The following SHKBP1 variants were observed in gnomAD, a reference collection of about 807,000 sequenced individuals.
SHKBP1 encodes the protein SH3KBP1-binding protein 1.
SHKBP1 carries 71 observed loss-of-function variants against 83.9 expected under a neutral mutation model. The ratio of observed to expected loss-of-function variants is 0.85; its 90% confidence interval spans 0.70 to 1.03. SHKBP1 has a LOEUF of 1.03. Ranked by LOEUF, SHKBP1 falls within the 50% of genes least tolerant of loss-of-function variation. SHKBP1 has a pLI of 0.00. For synonymous variants in SHKBP1, 371 were observed against 398.0 expected (o/e 0.93, Z 0.81); for missense variants, 824 against 982.4 (o/e 0.84, Z 2.16).
chr19:40,589,088 A>G lies in SHKBP1; in HGVS notation c.1499A>G (p.Tyr500Cys). The change falls in exon 15 of 18, where the codon TAC (tyrosine) becomes TGC (cysteine). Residue 500 changes from tyrosine to cysteine, a missense_variant. Physicochemically the swap from Tyr to Cys is radical, Grantham distance 194. Around this residue, in one of 3 missense-constraint regions of SHKBP1, gnomAD observed 287 missense variants for 322.9 expected, o/e 0.89. Coordinates refer to ENST00000291842, the MANE Select transcript of SHKBP1 (RefSeq NM_138392.4). The stretch of plus-strand genomic sequence containing the variant: ...CTGCCCCTGCCTGGCCCAGGCCCCT[A>G]CGGTGAGCGGGACGACCAGCAAGTG... ...GCSAGNDIGP[Y>C]GERDDQQVFI... is the part of the protein sequence containing the mutation. 1 of 1,612,348 alleles carries G rather than the reference A, an allele frequency of 6.2e-7. No individual in the cohort carries two copies.
rs200457949 is a variant in SHKBP1, at chr19:40,589,097, G to C, written c.1508G>C (p.Arg503Pro). The C allele has an allele frequency of 6.2e-7, 1 of 1,612,810 alleles. No individual in the cohort carries two copies. Residue 503 changes from arginine (R) to proline (P), a missense_variant, in exon 15 of 18, where the codon CGG becomes CCG. This residue lies in a region of SHKBP1 where 287 missense variants were observed against 322.9 expected (regional missense o/e 0.89). Coordinates refer to ENST00000291842, the MANE Select transcript of SHKBP1 (RefSeq NM_138392.4). ...AGNDIGPYGE[R>P]DDQQVFIQKV... ...CCTGGCCCAGGCCCCTACGGTGAGC[G>C]GGACGACCAGCAAGTGTTCATCCAG...
At chr19:40,588,803 C>T (rs748761276) in intron 14 of SHKBP1, 24 bp downstream of exon 14, 3 of 1,609,846 alleles carry the variant, frequency 1.9e-6, no homozygotes, top group African/African-American at 1.3e-5. Context: ...CCTGGCCTTC[C>T]CACCCCACTG....
intron 4 of SHKBP1, 165 bp from the exon 5 acceptor site, chr19:40,577,968 CACACACACACACACACACACA>C: frequency 1.5e-6 from 1 of 672,754 alleles, no homozygotes; most frequent in African/African-American, 1.8e-5. Flanking sequence ...CACACACACA[CACACACACACACACACACACA>C]CACTCAACAT....
intron 4 of SHKBP1, 158 bp from the exon 5 acceptor site, chr19:40,577,996 A>ACT: frequency 1.2e-5 from 8 of 668,210 alleles, no homozygotes; most frequent in South Asian, 5.0e-5. Flanking sequence ...CACACACTCA[A>ACT]CATTTCCTCC....
rs945279343 is a variant in SHKBP1 at position 40,577,552 on chromosome 19, C to G, written c.187-5C>G. 2 of 1,613,938 alleles carry G rather than the reference C, an allele frequency of 1.2e-6. No individual in the cohort carries two copies. The highest frequency in any genetic ancestry group is 1.7e-5 in the Admixed American group (1 of 59,982). On this transcript the variant is annotated splice_polypyrimidine_tract_variant and splice_region_variant and intron_variant, in intron 3 of 17. Coordinates refer to ENST00000291842, the MANE Select transcript of SHKBP1 (RefSeq NM_138392.4). ...CCATCCATCCTCTGCCCCCCTTTCC[C>G]GCAGATCTTCATCGACAGGGACCCT...
At chr19:40,577,363 C>T (rs775262439) in intron 2 of SHKBP1, 33 bp from the exon 3 acceptor site, 1 of 1,614,084 alleles carries the variant, frequency 6.2e-7, no homozygotes, top group Non-Finnish European at 8.5e-7. Context: ...CTCCCCCGGC[C>T]CGTGACGCCT....
At position 40,591,158 on chromosome 19, in the gene SHKBP1, G is replaced by A; in HGVS notation, c.2075G>A (p.Gly692Asp). The change falls in exon 18 of 18, where the codon GGC becomes GAC. Residue 692 changes from glycine (G) to aspartate (D), a missense_variant. Physicochemically the swap from Gly to Asp is moderately conservative, Grantham distance 94 (BLOSUM62 -1). Transcript: ENST00000291842. ...TPAPWPSSGL[G>D]TPLTPPKMKL... ...GCCCCGTGGCCCTCCAGCGGTCTCG[G>A]CACTCCCCTCACACCTCCCAAGATG... is the stretch of plus-strand genomic sequence containing the variant. The A allele has an allele frequency of 6.2e-7, 1 of 1,602,880 alleles. No homozygotes were observed. The highest frequency in any genetic ancestry group is 8.5e-7 in the Non-Finnish European group (1 of 1,171,018).
rs1391963510 is a variant in SHKBP1 at position 40,590,352 on chromosome 19, T to C, written c.1698T>C (p.Thr566=). ...CTCGGCCCCGGCGCTACCTGCTCACTGGCCAGGCCAACGGCAGCTTGGCCA... is the reference window on the plus strand; with the variant it reads ...CTCGGCCCCGGCGCTACCTGCTCACCGGCCAGGCCAACGGCAGCTTGGCCA... The part of the protein sequence containing the change: ...LGSRPRRYLL[T]GQANGSLAMW... The change falls in exon 16 of 18, where the codon ACT becomes ACC. Residue 566 remains threonine, a synonymous_variant. Coordinates refer to ENST00000291842, the MANE Select transcript of SHKBP1 (RefSeq NM_138392.4). This position sits in a 1 kb window ranked among gnomAD's most constrained non-coding sequence, Gnocchi z 4.6. The C allele has an allele frequency of 6.2e-7, 1 of 1,612,186 alleles. No homozygotes were observed. Among genetic ancestry groups the C allele is most frequent in the Non-Finnish European group, 8.5e-7 (1 of 1,179,460 alleles).
chr19:40,584,768 G>A lies in SHKBP1; in HGVS notation c.1165+1051G>A, dbSNP rs559627810. Among the ~76,000 whole-genome samples, 12 of 152,278 alleles carry A rather than the reference G, an allele frequency of 7.9e-5. No individual in the cohort carries two copies. In the East Asian group the frequency reaches 2.1e-3, roughly 27 times the overall value. ...TCCTGAGTAGGGGAGGATTACAGGT[G>A]TGCATCACCATGCCTGGCTAATTTT... On this transcript the variant is annotated intron_variant, in intron 12 of 17. Transcript: ENST00000291842.
intron 12 of SHKBP1, 127 bp from the exon 13 acceptor site, chr19:40,586,647 T>G: frequency 1.3e-5 from 12 of 956,688 alleles, no homozygotes; most frequent in Non-Finnish European, 1.7e-5. Flanking sequence ...GATTACGGCG[T>G]GAGCCACCGT....
Position 40,591,313 on chromosome 19 carries a change from A to G in SHKBP1, c.*106A>G, listed in dbSNP as rs1285847558. ...GGTTCAGGGCCAGGGCCTCCTTGGAATAAATGGTTATTGTTACTAGGTCCC... is the reference window on the plus strand; with the variant it reads ...GGTTCAGGGCCAGGGCCTCCTTGGAGTAAATGGTTATTGTTACTAGGTCCC... On this transcript the variant is annotated 3_prime_UTR_variant, in exon 18 of 18. Transcript: ENST00000291842. 5 of 975,756 alleles carry G rather than the reference A, an allele frequency of 5.1e-6. No homozygotes were observed. The highest frequency in any genetic ancestry group is 7.4e-6 in the Non-Finnish European group (5 of 677,454). 60.4% of individuals were successfully genotyped at this position (975,756 alleles called of 1,614,324 possible).
chr19:40,587,368 T>C (rs1214339835), intron 13 of SHKBP1, among the ~76,000 whole-genome samples: 1 of 152,240 alleles, frequency 6.6e-6, no homozygotes, highest in East Asian at 1.9e-4. Flanking sequence ...GGCGGGTAGA[T>C]TACTTGAGGT....
chr19:40,589,049 G>A (rs2081334938), intron 14 of SHKBP1, 33 bp from the exon 15 acceptor site: 1 of 1,596,906 alleles, frequency 6.3e-7, no homozygotes, highest in Non-Finnish European at 8.5e-7. Flanking sequence ...GGGAATCCCA[G>A]CTGGCCCTGA....
chr19:40,589,262 C>G, intron 15 of SHKBP1, 84 bp downstream of exon 15: 3 of 1,373,526 alleles, frequency 2.2e-6, no homozygotes, highest in Non-Finnish European at 3.1e-6. Context: ...AGATGCTAGC[C>G]AGATCACTGA....
chr19:40,578,333 T>C, intron 5 of SHKBP1, 121 bp downstream of exon 5: 1 of 1,454,912 alleles, frequency 6.9e-7, no homozygotes, highest in Admixed American at 1.7e-5. Context: ...GGACTGGTTA[T>C]GGCCCTGGCC....
chr19:40,582,327 C>G (rs781646732), intron 9 of SHKBP1, 24 bp from the exon 10 acceptor site: 1 of 1,589,386 alleles, frequency 6.3e-7, no homozygotes. Flanking sequence ...AGGGTTCCAG[C>G]TGAGCCCTTT....
chr19:40,589,906 A>C (rs2081343405), intron 15 of SHKBP1, among the ~76,000 whole-genome samples: 1 of 151,880 alleles, frequency 6.6e-6, no homozygotes, highest in Non-Finnish European at 1.5e-5. Flanking sequence ...AGCCGTGGCC[A>C]CTGCATGGGG....
chr19:40,580,129 CA>C (rs2081255563), intron 6 of SHKBP1, 194 bp from the exon 7 acceptor site: 1 of 594,010 alleles, frequency 1.7e-6, no homozygotes, highest in Non-Finnish European at 2.9e-6. Context: ...GTGCTGGGCT[CA>C]AGGGAACTGA....
In SHKBP1 at chr19:40,590,561, T is replaced by G; in HGVS notation, c.1768+139T>G. The stretch of plus-strand genomic sequence containing the variant: ...CCTTTGACCCCCTCTCTGCTCCCCA[T>G]CCCTTCCTGCCCTTGTTTTTCAACC... On this transcript the variant is annotated intron_variant, in intron 16 of 17. Transcript: ENST00000291842. The surrounding 1 kb of genome is among the most constrained non-coding windows in gnomAD (Gnocchi z 4.6). 1 of 1,241,564 alleles carries G rather than the reference T, an allele frequency of 8.1e-7. No homozygotes were observed. The highest frequency in any genetic ancestry group is 1.1e-6 in the Non-Finnish European group (1 of 890,432). The allele number at this position is 1,241,564 out of a possible 1,614,324, so 76.9% of individuals were successfully genotyped here. A position where few individuals can be genotyped will look rare whatever the true frequency, so the allele number is the denominator to read the frequency against.
Sources: allele counts gnomAD v4.1 joint callset (sites outside exome capture counted in the v4.1 genomes callset), GRCh38; gene constraint gnomAD v4.1.1; regional missense constraint gnomAD v4.1.1; non-coding constraint Gnocchi (gnomAD v3.1); transcripts MANE v1.5; gene names NCBI Gene and HGNC (gene_info 2026-07-23, HGNC 2026-07-21).